The following NUDT7 variants were observed in gnomAD, a reference collection of about 807,000 sequenced individuals.
The protein encoded by NUDT7 is peroxisomal coenzyme A diphosphatase NUDT7.
A neutral mutation model predicts 13.1 loss-of-function variants in NUDT7; 19 were observed. The observed-to-expected ratio is 1.45, with a 90% CI of 1.01 to 2.13. NUDT7 has a LOEUF of 2.13. Ranked by LOEUF, NUDT7 falls within the 30% of genes most tolerant of loss-of-function variation. The probability of loss-of-function intolerance (pLI) is 0.00; values close to 1 mark genes in which losing one functional copy is unlikely to be tolerated. For synonymous variants in NUDT7, 132 were observed against 109.7 expected (o/e 1.20, Z -1.27); for missense variants, 360 against 291.7 (o/e 1.23, Z -1.71).
chr16:77,740,793 C>G (rs2014634425), intron 3 of NUDT7, among the ~76,000 whole-genome samples: 1 of 152,116 alleles, frequency 6.6e-6, no homozygotes, highest in African/African-American at 2.4e-5. Flanking sequence ...GGTGGTCCGC[C>G]CACCTCAGCC....
intron 2 of NUDT7, among the ~76,000 whole-genome samples, chr16:77,726,135 C>T (rs116766330): frequency 1.3e-5 from 2 of 152,332 alleles, no homozygotes; most frequent in African/African-American, 4.8e-5. Context: ...AAGTTAACGG[C>T]CTAGGCTCTA....
chr16:77,735,016 A>T, intron 2 of NUDT7, among the ~76,000 whole-genome samples: 1 of 152,216 alleles, frequency 6.6e-6, no homozygotes, highest in East Asian at 1.9e-4. Context: ...AAAAATTAGT[A>T]GCTTATAGGA....
Position 77,725,377 on chromosome 16 carries a change from T to G in NUDT7, c.36-54T>G. The G allele has an allele frequency of 2.6e-6, 4 of 1,535,334 alleles. No homozygotes were observed. In the South Asian group the frequency reaches 4.9e-5, roughly 19 times the overall value. On this transcript the variant is annotated intron_variant, in intron 1 of 3. Transcript: ENST00000268533. Reference sequence around the variant, plus strand: ...CAGAAACAGAGGCAGGACTATAAGCTTTTTACCATAACTCTGCTTGCTAAA... The same window carrying G: ...CAGAAACAGAGGCAGGACTATAAGCGTTTTACCATAACTCTGCTTGCTAAA...
intron 3 of NUDT7, among the ~76,000 whole-genome samples, chr16:77,741,060 A>G (rs1209300570): frequency 6.6e-6 from 1 of 152,190 alleles, no homozygotes; most frequent in Non-Finnish European, 1.5e-5. Flanking sequence ...TAAGTATAGC[A>G]CATTTTTTTC....
chr16:77,741,484 G>A (rs1224971223), intron 3 of NUDT7, 98 bp from the exon 4 acceptor site: 24 of 1,259,866 alleles, frequency 1.9e-5, no homozygotes, highest in East Asian at 1.2e-4. Flanking sequence ...TCCCAGGTTC[G>A]GTGTATTTTC....
chr16:77,722,665 C>T, intron 1 of NUDT7, 48 bp downstream of exon 1: 1 of 1,551,926 alleles, frequency 6.4e-7, no homozygotes, highest in Non-Finnish European at 8.7e-7. Context: ...CAGGCCCGGC[C>T]TTGATCGTAG....
intron 2 of NUDT7, among the ~76,000 whole-genome samples, chr16:77,728,394 G>C (rs997905199): frequency 5.9e-5 from 9 of 152,058 alleles, no homozygotes; most frequent in Admixed American, 2.0e-4. Flanking sequence ...CACCACGCCT[G>C]GCTAATTTTT....
At chr16:77,740,090 A>C (rs1214203270) in intron 3 of NUDT7, among the ~76,000 whole-genome samples, 1 of 152,080 alleles carries the variant, frequency 6.6e-6, no homozygotes, top group African/African-American at 2.4e-5. Flanking sequence ...GCATTTCCCC[A>C]ATGCCAGGTG....
intron 3 of NUDT7, chr16:77,736,248 C>T (rs755625349): frequency 2.7e-5 from 10 of 368,906 alleles, no homozygotes; most frequent in Non-Finnish European, 4.4e-5. Context: ...GCCATAGAAC[C>T]CTAGAGAGAT....
At chr16:77,722,705 C>G in intron 1 of NUDT7, 88 bp downstream of exon 1, 1 of 1,351,542 alleles carries the variant, frequency 7.4e-7, no homozygotes, top group Non-Finnish European at 1.0e-6. Context: ...TTGGCCGGGA[C>G]TGATTTTGCA....
At chr16:77,728,119 C>T (rs2145108025) in intron 2 of NUDT7, among the ~76,000 whole-genome samples, 1 of 152,204 alleles carries the variant, frequency 6.6e-6, no homozygotes, top group African/African-American at 2.4e-5. Context: ...CTCTGCCCCT[C>T]ACACAAGCAG....
intron 2 of NUDT7, among the ~76,000 whole-genome samples, chr16:77,734,641 T>C (rs939684354): frequency 3.3e-5 from 5 of 151,302 alleles, no homozygotes; most frequent in African/African-American, 1.2e-4. Context: ...AAGAAAAGAG[T>C]AGCTTACCTG....
At position 77,735,837 on chromosome 16, in the gene NUDT7, G is replaced by C. The variant is rs907830788; in HGVS notation, c.199G>C (p.Ala67Pro). The change falls in exon 3 of 4, where the codon GCC (alanine) becomes CCC (proline). Residue 67 changes from alanine to proline, a missense_variant. Coordinates refer to ENST00000268533, the MANE Select transcript of NUDT7 (RefSeq NM_001105663.3). ...FTVRSEKLRR[A>P]PGEVCFPGGK... is the part of the protein sequence containing the mutation. ...TTCTTTCTATATCCAGCTAAGAAGG[G>C]CCCCTGGAGAAGTTTGCTTCCCTGG... 7 of 1,613,238 alleles carry C rather than the reference G, an allele frequency of 4.3e-6. No homozygotes were observed. In the African/African-American group the frequency reaches 5.3e-5, roughly 12 times the overall value.
intron 2 of NUDT7, among the ~76,000 whole-genome samples, chr16:77,734,108 G>A (rs528170419): frequency 1.4e-4 from 21 of 152,022 alleles, no homozygotes; most frequent in South Asian, 2.1e-4. Context: ...ACCAACACAC[G>A]CAAAGATAAA....
intron 3 of NUDT7, 99 bp from the exon 4 acceptor site, chr16:77,741,483 C>T (rs1045059289): frequency 2.1e-5 from 26 of 1,237,524 alleles, no homozygotes; most frequent in Admixed American, 5.0e-5. Flanking sequence ...CTCCCAGGTT[C>T]GGTGTATTTT....
chr16:77,733,587 G>A (rs1165860912), intron 2 of NUDT7, among the ~76,000 whole-genome samples: 3 of 152,182 alleles, frequency 2.0e-5, no homozygotes, highest in Non-Finnish European at 4.4e-5. Context: ...TATGGCCTAG[G>A]TGCTAAAAAT....
chr16:77,740,178 A>G lies in NUDT7; in HGVS notation c.349-1404A>G, dbSNP rs147671176. ...CCCAAATTTCCTGCCCCAAGGACAT[A>G]CGAAGTCTATGTTCCTCTTGTCTCC... On this transcript the variant is annotated intron_variant, in intron 3 of 3. Coordinates refer to ENST00000268533, the MANE Select transcript of NUDT7 (RefSeq NM_001105663.3). Among the ~76,000 whole-genome samples the G allele has an allele frequency of 2.9e-3, 440 of 152,286 alleles. 2 individuals carry two copies. Among genetic ancestry groups the G allele is most frequent in the African/African-American group, 0.01 (417 of 41,562 alleles).
At chr16:77,722,742 CG>C in intron 1 of NUDT7, 125 bp downstream of exon 1, 1 of 880,108 alleles carries the variant, frequency 1.1e-6, no homozygotes, top group African/African-American at 1.7e-5. Flanking sequence ...CTGCGAGCGC[CG>C]GATGGGGGAG....
chr16:77,725,154 C>T (rs28681645), intron 1 of NUDT7, among the ~76,000 whole-genome samples: 24,837 of 152,238 alleles, frequency 0.16, 2,819 homozygotes, highest in African/African-American at 0.32. Flanking sequence ...CAAAATTCAA[C>T]TGTTGCATTA....
Sources: gnomAD v4.1 joint callset for allele counts (sites outside exome capture counted in the v4.1 genomes callset) on GRCh38, gnomAD v4.1.1 for gene constraint, MANE v1.5 for transcripts, NCBI Gene and HGNC (gene_info 2026-07-23, HGNC 2026-07-21) for gene names.